The following RAVER1 variants were observed in gnomAD, a reference collection of about 807,000 sequenced individuals.
RAVER1 encodes the protein ribonucleoprotein, PTB binding 1.
A neutral mutation model predicts 68.4 loss-of-function variants in RAVER1; 36 were observed. The ratio of observed to expected loss-of-function variants is 0.53; its 90% CI spans 0.40 to 0.70. The LOEUF is 0.70. Among genes scored for constraint, RAVER1 ranks in the 30% least tolerant of loss-of-function variants. The pLI, the probability that RAVER1 is intolerant of heterozygous loss-of-function variation, is 0.00. For synonymous variants in RAVER1, 469 were observed against 472.7 expected (o/e 0.99, Z 0.10); for missense variants, 933 against 1,019.8 (o/e 0.91, Z 1.16).
Position 10,333,398 on chromosome 19 carries a change from G to C in RAVER1, c.110C>G (p.Pro37Arg), listed in dbSNP as rs34642407. ...AERRAPEEELPPLDPEEIRKR... is the reference protein window; with the variant it reads ...AERRAPEEELRPLDPEEIRKR... ...CCGGATCTCTTCTGGATCTAGAGGC[G>C]GCAGCTCTTCTTCCGGCGCCCGGCG... The change falls in exon 1 of 13, where the codon CCG (proline) becomes CGG (arginine). Residue 37 changes from proline (P) to arginine (R), a missense_variant. By Grantham distance (103) the Pro-to-Arg change is moderately radical (BLOSUM62 -2). Coordinates refer to ENST00000617231, the MANE Select transcript of RAVER1 (RefSeq NM_133452.3). The surrounding 1 kb of genome is among the most constrained non-coding windows in gnomAD (Gnocchi z 4.2). 2 of 1,613,790 alleles carry C rather than the reference G, an allele frequency of 1.2e-6. No individual in the cohort carries two copies. Among genetic ancestry groups the C allele is most frequent in the Non-Finnish European group, 1.7e-6 (2 of 1,179,796 alleles).
In RAVER1 at chr19:10,328,814, C is replaced by G; in HGVS notation, c.584G>C (p.Gly195Ala). 6.2e-7 allele frequency: 1 copy of G among 1,612,402 alleles called. No homozygotes were observed. The highest frequency in any genetic ancestry group is 8.5e-7 in the Non-Finnish European group (1 of 1,179,734). ...SAARAKSDLL[G>A]KPLGPRTLYV... ...GAGGGTGCGTGGTCCCAGCGGCTTG[C>G]CCAGCAGGTCCGACTTGGCACGGGC... Residue 195 changes from glycine to alanine, a missense_variant, in exon 3 of 13, where the codon GGC becomes GCC. Around this residue, in one of 3 missense-constraint regions of RAVER1, gnomAD observed 23 missense variants for 58.7 expected, o/e 0.39. Transcript: ENST00000617231. The surrounding 1 kb of genome is among the most constrained non-coding windows in gnomAD (Gnocchi z 4.4).
chr19:10,329,416 G>A lies in RAVER1; in HGVS notation c.287-305C>T, dbSNP rs866762620. Among the ~76,000 whole-genome samples the A allele has an allele frequency of 1.4e-4, 22 of 152,356 alleles. No individual in the cohort carries two copies. The South Asian group carries it at 2.1e-3, about 14-fold the overall frequency. On this transcript the variant is annotated intron_variant, in intron 2 of 12. Transcript: ENST00000617231. The surrounding 1 kb of genome is among the most constrained non-coding windows in gnomAD (Gnocchi z 4.6). Reference sequence around the variant, plus strand: ...CACTCGGGTGATACCAAGGGCAGTGGTTAAGCCCATGCTCACTGGGGCCCA... The same window carrying A: ...CACTCGGGTGATACCAAGGGCAGTGATTAAGCCCATGCTCACTGGGGCCCA...
chr19:10,323,089 GGCAGCGCT>G lies in RAVER1; in HGVS notation c.1078+48_1078+55del, dbSNP rs2040449996. On this transcript the variant is annotated intron_variant, in intron 5 of 12. Coordinates refer to ENST00000617231, the MANE Select transcript of RAVER1 (RefSeq NM_133452.3). This position sits in a 1 kb window ranked among gnomAD's most constrained non-coding sequence, Gnocchi z 6.2. Reference sequence around the variant, plus strand: ...ATGAGCAGTTTCGGGAAGTGCCGGGGGCAGCGCTGCAGCCCCTGTTCTGCACAGTGGGG... The same window carrying G: ...ATGAGCAGTTTCGGGAAGTGCCGGGGGCAGCCCCTGTTCTGCACAGTGGGG... 5 of 1,421,330 alleles carry G rather than the reference GGCAGCGCT, an allele frequency of 3.5e-6. No individual in the cohort carries two copies. The Admixed American group carries it at 1.4e-4, about 38-fold the overall frequency. The allele number at this position is 1,421,330 out of a possible 1,614,324, so 88.0% of individuals were successfully genotyped here. A position where few individuals can be genotyped will look rare whatever the true frequency, so the allele number is the denominator to read the frequency against.
chr19:10,321,371 G>T, intron 7 of RAVER1, 112 bp from the exon 8 acceptor site: 1 of 790,980 alleles, frequency 1.3e-6, no homozygotes, highest in Non-Finnish European at 1.7e-6. Context: ...AATCCATGCT[G>T]GCCACTGAGC....
Position 10,322,502 on chromosome 19 carries a change from G to A in RAVER1, c.1173+143C>T, listed in dbSNP as rs1054196093. 1 of 580,814 alleles carries A rather than the reference G, an allele frequency of 1.7e-6. No homozygotes were observed. The allele number at this position is 580,814 out of a possible 1,614,324, so 36.0% of individuals were successfully genotyped here. A position where few individuals can be genotyped will look rare whatever the true frequency, so the allele number is the denominator to read the frequency against. Reference sequence around the variant, plus strand: ...ATGGGGATGTGGGTGGGAAAGGCAGGGGTTTGGGGGAGTCGCCCTCACCCT... The same window carrying A: ...ATGGGGATGTGGGTGGGAAAGGCAGAGGTTTGGGGGAGTCGCCCTCACCCT... On this transcript the variant is annotated intron_variant, in intron 6 of 12. Coordinates refer to ENST00000617231, the MANE Select transcript of RAVER1 (RefSeq NM_133452.3). This position sits in a 1 kb window ranked among gnomAD's most constrained non-coding sequence, Gnocchi z 4.3.
Position 10,328,171 on chromosome 19 carries a change from G to A in RAVER1, c.756+471C>T, listed in dbSNP as rs547113579. On this transcript the variant is annotated intron_variant, in intron 3 of 12. Coordinates refer to ENST00000617231, the MANE Select transcript of RAVER1 (RefSeq NM_133452.3). The surrounding 1 kb of genome is among the most constrained non-coding windows in gnomAD (Gnocchi z 4.4). Reference sequence around the variant, plus strand: ...AGGTTTGACGAGGGTACCAGCGAATGAGGAGGTGAGTGGTGAGCAAGCCTC... The same window carrying A: ...AGGTTTGACGAGGGTACCAGCGAATAAGGAGGTGAGTGGTGAGCAAGCCTC... Among the ~76,000 whole-genome samples, 1 of 152,306 alleles carries A rather than the reference G, an allele frequency of 6.6e-6. No homozygotes were observed. The highest frequency in any genetic ancestry group is 2.1e-4 in the South Asian group (1 of 4,828).
Position 10,333,277 on chromosome 19 carries a change from C to A in RAVER1, c.219+12G>T, listed in dbSNP as rs1440132909. 2.5e-6 allele frequency: 4 copies of A among 1,608,552 alleles called. No individual in the cohort carries two copies. The highest frequency in any genetic ancestry group is 2.2e-5 in the South Asian group (2 of 90,962). ...ATTTCCCGCCACGCTCCTACACCGC[C>A]CCCCCCAATACCTGGTTGGTCACGT... On this transcript the variant is annotated intron_variant, in intron 1 of 12. Coordinates refer to ENST00000617231, the MANE Select transcript of RAVER1 (RefSeq NM_133452.3). The surrounding 1 kb of genome is among the most constrained non-coding windows in gnomAD (Gnocchi z 4.2).
rs996072586 is a variant in RAVER1 at position 10,322,028 on chromosome 19, CTA to C, written c.1174-412_1174-411del. 89 of 166,152 alleles carry C rather than the reference CTA, an allele frequency of 5.4e-4. No individual in the cohort carries two copies. Among genetic ancestry groups the C allele is most frequent in the African/African-American group, 2.0e-3 (83 of 41,986 alleles). 10.3% of individuals were successfully genotyped at this position (166,152 alleles called of 1,614,324 possible). On this transcript the variant is annotated intron_variant, in intron 6 of 12. Transcript: ENST00000617231. The surrounding 1 kb of genome is among the most constrained non-coding windows in gnomAD (Gnocchi z 4.3). ...GACAGGACGGAGCATGGGTGTATGTCTATGTGTGTGTGTGTCTGTGTGTGTGT... is the reference window on the plus strand; with the variant it reads ...GACAGGACGGAGCATGGGTGTATGTCTGTGTGTGTGTGTCTGTGTGTGTGT...
rs1250564533 is a variant in RAVER1, at chr19:10,328,892, G to A, written c.506C>T (p.Thr169Ile). The change falls in exon 3 of 13, where the codon ACT (threonine) becomes ATT (isoleucine). Residue 169 changes from threonine to isoleucine, a missense_variant. Physicochemically the swap from Thr to Ile is moderately conservative, Grantham distance 89. Coordinates refer to ENST00000617231, the MANE Select transcript of RAVER1 (RefSeq NM_133452.3). The surrounding 1 kb of genome is among the most constrained non-coding windows in gnomAD (Gnocchi z 4.4). ...ERCFLVYSER[T>I]GQSKGYGFAE... is the part of the protein sequence containing the mutation. ...AAAGCCATAGCCCTTGGATTGGCCA[G>A]TGCGCTCACTGTAGACCAGGAAGCA... The A allele has an allele frequency of 6.2e-7, 1 of 1,613,232 alleles. No homozygotes were observed. The highest frequency in any genetic ancestry group is 8.5e-7 in the Non-Finnish European group (1 of 1,179,842).
rs747090544 is a variant in RAVER1 at position 10,320,973 on chromosome 19, C to T, written c.1474-22G>A. On this transcript the variant is annotated intron_variant, in intron 8 of 12. Transcript: ENST00000617231. Reference sequence around the variant, plus strand: ...AGACCTGTGGCGGGAAGGCAGGATTCGAGAGGGCCCCCGGGAGAGGGAACC... The same window carrying T: ...AGACCTGTGGCGGGAAGGCAGGATTTGAGAGGGCCCCCGGGAGAGGGAACC... The T allele has an allele frequency of 5.4e-6, 8 of 1,487,910 alleles. No individual in the cohort carries two copies. In the Admixed American group the frequency reaches 7.7e-5, roughly 14 times the overall value. 92.2% of individuals were successfully genotyped at this position (1,487,910 alleles called of 1,614,324 possible).
At chr19:10,330,015 C>T (rs1161741293) in intron 2 of RAVER1, among the ~76,000 whole-genome samples, 3 of 151,168 alleles carry the variant, frequency 2.0e-5, no homozygotes, top group African/African-American at 4.9e-5. Flanking sequence ...CCCAGCTACT[C>T]GGGAGGCTGA....
At position 10,322,664 on chromosome 19, in the gene RAVER1, A is replaced by G; in HGVS notation, c.1154T>C (p.Leu385Pro). 6.5e-7 allele frequency: 1 copy of G among 1,536,750 alleles called. No homozygotes were observed. Among genetic ancestry groups the G allele is most frequent in the South Asian group, 1.3e-5 (1 of 78,192 alleles). Reference protein sequence around the residue: ...ALSTALLQLALQTQGQKKPGI... With the variant: ...ALSTALLQLAPQTQGQKKPGI... Reference sequence around the variant, plus strand: ...TGTTACCTTCTGGCCCTGGGTCTGCAGGGCGAGCTGCAACAGCGCCGTGGA... The same window carrying G: ...TGTTACCTTCTGGCCCTGGGTCTGCGGGGCGAGCTGCAACAGCGCCGTGGA... The change falls in exon 6 of 13, where the codon CTG becomes CCG. Residue 385 changes from leucine to proline, a missense_variant. Physicochemically the swap from Leu to Pro is moderately conservative, Grantham distance 98 (BLOSUM62 -3). This residue lies in a region of RAVER1 where 699 missense variants were observed against 731.1 expected (regional missense o/e 0.96). Coordinates refer to ENST00000617231, the MANE Select transcript of RAVER1 (RefSeq NM_133452.3). The surrounding 1 kb of genome is among the most constrained non-coding windows in gnomAD (Gnocchi z 4.3).
intron 7 of RAVER1, 82 bp from the exon 8 acceptor site, chr19:10,321,341 G>T (rs2040436553): frequency 1.2e-6 from 1 of 828,328 alleles, no homozygotes; most frequent in Non-Finnish European, 1.6e-6. Context: ...CCTGGACCAG[G>T]GCCCAGGGGT....
Position 10,317,702 on chromosome 19 carries a change from G to T in RAVER1, c.2061C>A (p.Ser687Arg). The change falls in exon 12 of 13, where the codon AGC becomes AGA. Residue 687 changes from serine (S) to arginine (R), a missense_variant. By Grantham distance (110) the Ser-to-Arg change is moderately radical (BLOSUM62 -1). Transcript: ENST00000617231. This position sits in a 1 kb window ranked among gnomAD's most constrained non-coding sequence, Gnocchi z 4.3. ...LGLSPGPNGH[S>R]HLLKTPLGGQ... ...CCCCTGCCCGTACCTTCAGCAGGTG[G>T]CTGTGACCATTAGGCCCGGGGCTGA... The T allele has an allele frequency of 6.3e-7, 1 of 1,589,200 alleles. No homozygotes were observed. Among genetic ancestry groups the T allele is most frequent in the Non-Finnish European group, 8.6e-7 (1 of 1,168,068 alleles).
rs1375300162 is a variant in RAVER1, at chr19:10,329,037, G to A, written c.361C>T (p.Arg121Cys). 4 of 1,542,082 alleles carry A rather than the reference G, an allele frequency of 2.6e-6. No individual in the cohort carries two copies. Among genetic ancestry groups the A allele is most frequent in the African/African-American group, 1.4e-5 (1 of 73,136 alleles). ...NAFHQSRLRE[R>C]ELSVQLQPTD... ...GGCTGCAGCTGCACCGACAGTTCAC[G>A]CTCCCGCAGGCGGCTCTGGTGGAAA... is the stretch of plus-strand genomic sequence containing the variant. Residue 121 changes from arginine (R) to cysteine (C), a missense_variant, in exon 3 of 13, where the codon CGT becomes TGT. Physicochemically the swap from Arg to Cys is radical, Grantham distance 180 (BLOSUM62 -3). This residue lies in a region of RAVER1 where 211 missense variants were observed against 230.0 expected (regional missense o/e 0.92). Transcript: ENST00000617231. This position sits in a 1 kb window ranked among gnomAD's most constrained non-coding sequence, Gnocchi z 4.6.
rs538462353 is a variant in RAVER1, at chr19:10,323,528, C to G, written c.795G>C (p.Ala265=). The G allele has an allele frequency of 5.6e-5, 90 of 1,604,358 alleles. No individual in the cohort carries two copies. The highest frequency in any genetic ancestry group is 3.3e-4 in the Middle Eastern group (2 of 6,040). Residue 265 remains alanine (A), a synonymous_variant, in exon 4 of 13, where the codon GCG becomes GCC. Transcript: ENST00000617231. This position sits in a 1 kb window ranked among gnomAD's most constrained non-coding sequence, Gnocchi z 6.2. ...CGQDGQLKGF[A]VLEYETAEMA... ...TCTCAGCCGTCTCATACTCCAGCAC[C>G]GCGAAGCCCTTCAGCTGCCCATCCT...
In RAVER1 at chr19:10,322,994, C is replaced by G. The variant is rs2040449230; in HGVS notation, c.1078+151G>C. The G allele has an allele frequency of 1.4e-6, 1 of 703,896 alleles. No individual in the cohort carries two copies. The highest frequency in any genetic ancestry group is 3.1e-5 in the Admixed American group (1 of 32,048). The allele number at this position is 703,896 out of a possible 1,614,324, so 43.6% of individuals were successfully genotyped here. On this transcript the variant is annotated intron_variant, in intron 5 of 12. Transcript: ENST00000617231. This position sits in a 1 kb window ranked among gnomAD's most constrained non-coding sequence, Gnocchi z 4.3. ...GGTCCCGGCCCCCAGTTGTGGACAGCAGCAGCCCCCGCTATGACTCCATAC... is the reference window on the plus strand; with the variant it reads ...GGTCCCGGCCCCCAGTTGTGGACAGGAGCAGCCCCCGCTATGACTCCATAC...
chr19:10,328,951 C>A lies in RAVER1; in HGVS notation c.447G>T (p.Glu149Asp). The change falls in exon 3 of 13, where the codon GAG becomes GAT. Residue 149 changes from glutamate (E) to aspartate (D), a missense_variant. Physicochemically the swap from Glu to Asp is conservative, Grantham distance 45. This residue lies in a region of RAVER1 where 211 missense variants were observed against 230.0 expected (regional missense o/e 0.92). Transcript: ENST00000617231. This position sits in a 1 kb window ranked among gnomAD's most constrained non-coding sequence, Gnocchi z 4.4. ...LPPSLTQQQF[E>D]ELVRPFGSLE... The stretch of plus-strand genomic sequence containing the variant: ...GGCTGCCGAAGGGCCGCACCAGCTC[C>A]TCGAACTGCTGCTGTGTGAGGCTGG... The A allele has an allele frequency of 6.2e-7, 1 of 1,606,748 alleles. No individual in the cohort carries two copies. The highest frequency in any genetic ancestry group is 8.5e-7 in the Non-Finnish European group (1 of 1,175,340).
chr19:10,322,436 G>A lies in RAVER1; in HGVS notation c.1173+209C>T, dbSNP rs1051595816. On this transcript the variant is annotated intron_variant, in intron 6 of 12. Transcript: ENST00000617231. The surrounding 1 kb of genome is among the most constrained non-coding windows in gnomAD (Gnocchi z 4.3). ...AGTCCAGGGGCGCTCTCAGAATGGA[G>A]GGAAAGATGGCGAACCATCATGAGC... 5 of 513,194 alleles carry A rather than the reference G, an allele frequency of 9.7e-6. No homozygotes were observed. The highest frequency in any genetic ancestry group is 1.7e-5 in the Non-Finnish European group (5 of 296,040). 31.8% of individuals were successfully genotyped at this position (513,194 alleles called of 1,614,324 possible).
Sources: allele counts gnomAD v4.1 joint callset (sites outside exome capture counted in the v4.1 genomes callset), GRCh38; gene constraint gnomAD v4.1.1; regional missense constraint gnomAD v4.1.1; non-coding constraint Gnocchi (gnomAD v3.1); transcripts MANE v1.5; gene names NCBI Gene and HGNC (gene_info 2026-07-23, HGNC 2026-07-21).